Variants in NFE2L2 observed in about 807,000 individuals in gnomAD.
NFE2L2 encodes the protein nuclear factor erythroid 2-related factor 2.
A neutral mutation model predicts 49.6 loss-of-function variants in NFE2L2; 20 were observed. That is an observed-to-expected ratio of 0.40 (90% CI 0.28 to 0.59). The LOEUF (loss-of-function observed/expected upper bound fraction) is 0.59, where lower values mean the gene tolerates loss of function less well. NFE2L2 is among the 20% of genes least tolerant of loss of function. NFE2L2 has a pLI of 0.40. For synonymous variants in NFE2L2, 244 were observed against 256.5 expected (o/e 0.95, Z 0.47); for missense variants, 578 against 714.2 (o/e 0.81, Z 2.17).
In NFE2L2 at chr2:177,231,872, G is replaced by A. The variant is rs1415279225; in HGVS notation, c.731C>T (p.Pro244Leu). The A allele has an allele frequency of 6.2e-7, 1 of 1,614,128 alleles. No homozygotes were observed. Among genetic ancestry groups the A allele is most frequent in the South Asian group, 1.1e-5 (1 of 91,086 alleles). Residue 244 changes from proline to leucine, a missense_variant, in exon 5 of 5, where the codon CCA becomes CTA. Coordinates refer to ENST00000397062, the MANE Select transcript of NFE2L2 (RefSeq NM_006164.5). ...ATCCTCAAAAGCATTAAGAAAATGT[G>A]GACTACAGTTACCTACTTCTTTTTC... ...SMEKEVGNCSPHFLNAFEDSF... is the reference protein window; with the variant it reads ...SMEKEVGNCSLHFLNAFEDSF...
intron 1 of NFE2L2, among the ~76,000 whole-genome samples, chr2:177,257,757 T>C (rs1364310844): frequency 6.6e-6 from 1 of 152,156 alleles, no homozygotes; most frequent in African/African-American, 2.4e-5. Context: ...CCTGTCAGAT[T>C]AGCAGCAGCA....
chr2:177,264,517 G>C lies in NFE2L2; in HGVS notation c.45+15C>G, dbSNP rs1386675126. ...TCCCGGCACCACCGCAGGGCCCAGA[G>C]GGCCGAGGCAGCACCTGCTGGGACG... On this transcript the variant is annotated intron_variant, in intron 1 of 4. Transcript: ENST00000397062. 4.6e-6 allele frequency: 7 copies of C among 1,524,716 alleles called. No homozygotes were observed. In the Admixed American group the frequency reaches 8.2e-5, roughly 18 times the overall value. The allele number at this position is 1,524,716 out of a possible 1,614,324, so 94.4% of individuals were successfully genotyped here.
intron 1 of NFE2L2, among the ~76,000 whole-genome samples, chr2:177,239,949 T>TAA (rs57941264): frequency 1.3e-4 from 18 of 135,432 alleles, no homozygotes; most frequent in Admixed American, 9.5e-4. Context: ...AGCTTTATGT[T>TAA]AAAAAAAAAA....
At chr2:177,252,029 CAAG>C (rs1690361416) in intron 1 of NFE2L2, among the ~76,000 whole-genome samples, 1 of 142,410 alleles carries the variant, frequency 7.0e-6, no homozygotes, top group South Asian at 2.2e-4. Flanking sequence ...GGATTTTTTT[CAAG>C]AAGAAATGGA....
chr2:177,230,687 G>T lies in NFE2L2; in HGVS notation c.*98C>A. The T allele has an allele frequency of 1.5e-6, 2 of 1,353,548 alleles. No homozygotes were observed. The highest frequency in any genetic ancestry group is 2.0e-6 in the Non-Finnish European group (2 of 1,017,832). The allele number at this position is 1,353,548 out of a possible 1,614,324, so 83.8% of individuals were successfully genotyped here. The stretch of plus-strand genomic sequence containing the variant: ...CTAGTTTTGGCTATGATTTTGCATA[G>T]AATTACTTATAAAGTATGAGCATTT... On this transcript the variant is annotated 3_prime_UTR_variant, in exon 5 of 5. Transcript: ENST00000397062.
At chr2:177,263,986 C>T in intron 1 of NFE2L2, 1 of 979,928 alleles carries the variant, frequency 1.0e-6, no homozygotes, top group Non-Finnish European at 1.2e-6. Context: ...CGCGTCGCAG[C>T]CCGCACTCAA....
Position 177,231,570 on chromosome 2 carries a change from C to T in NFE2L2, c.1033G>A (p.Gly345Ser), listed in dbSNP as rs747179142. ...STAEFNDSDS[G>S]ISLNTSPSVA... Reference sequence around the variant, plus strand: ...CTGGGACTTGTGTTTAGTGAAATGCCGGAGTCAGAATCATTGAATTCTGCT... The same window carrying T: ...CTGGGACTTGTGTTTAGTGAAATGCTGGAGTCAGAATCATTGAATTCTGCT... The change falls in exon 5 of 5, where the codon GGC becomes AGC. Residue 345 changes from glycine (G) to serine (S), a missense_variant. By Grantham distance (56) the Gly-to-Ser change is moderately conservative. Around this residue, in one of 3 missense-constraint regions of NFE2L2, gnomAD observed 368 missense variants for 384.6 expected, o/e 0.96. Coordinates refer to ENST00000397062, the MANE Select transcript of NFE2L2 (RefSeq NM_006164.5). 16 of 1,614,040 alleles carry T rather than the reference C, an allele frequency of 9.9e-6. No individual in the cohort carries two copies. Among genetic ancestry groups the T allele is most frequent in the South Asian group, 4.4e-5 (4 of 91,078 alleles).
intron 1 of NFE2L2, among the ~76,000 whole-genome samples, chr2:177,234,772 A>G (rs943312531): frequency 6.6e-6 from 1 of 152,136 alleles, no homozygotes; most frequent in Admixed American, 6.5e-5. Context: ...GTGAAATATC[A>G]CCATTCTTTC....
intron 1 of NFE2L2, chr2:177,263,619 T>C (rs1690824076): frequency 1.0e-6 from 1 of 985,238 alleles, no homozygotes; most frequent in Non-Finnish European, 1.2e-6. Flanking sequence ...CCGAGCGCTG[T>C]CACGGAAGCC....
intron 1 of NFE2L2, among the ~76,000 whole-genome samples, chr2:177,261,000 AC>A (rs1330871743): frequency 2.0e-5 from 3 of 151,878 alleles, no homozygotes; most frequent in African/African-American, 7.3e-5. Flanking sequence ...ACATGGTAAA[AC>A]CCCATCTCTA....
rs898178562 is a variant in NFE2L2 at position 177,258,826 on chromosome 2, T to C, written c.45+5706A>G. ...TTTCTTACTCATTTTTCTTCTCTGA[T>C]TTGAAAAAGCAATAGAGTTCAGAGC... On this transcript the variant is annotated intron_variant, in intron 1 of 4. Coordinates refer to ENST00000397062, the MANE Select transcript of NFE2L2 (RefSeq NM_006164.5). 1.2e-4 allele frequency among the ~76,000 whole-genome samples: 18 copies of C among 152,210 alleles called. 1 individual carries two copies. The highest frequency in any genetic ancestry group is 4.1e-4 in the African/African-American group (17 of 41,450).
intron 1 of NFE2L2, among the ~76,000 whole-genome samples, chr2:177,262,382 G>C (rs548920561): frequency 6.6e-6 from 1 of 152,238 alleles, no homozygotes; most frequent in East Asian, 1.9e-4. Context: ...TGAATCTAAG[G>C]CTCTCCTTAC....
At position 177,231,825 on chromosome 2, in the gene NFE2L2, T is replaced by G. The variant is rs1259029761; in HGVS notation, c.778A>C (p.Thr260Pro). The G allele has an allele frequency of 1.2e-5, 20 of 1,614,068 alleles. No individual in the cohort carries two copies. Among genetic ancestry groups the G allele is most frequent in the Non-Finnish European group, 1.7e-5 (20 of 1,180,032 alleles). ...ACTGTCAACTGGTTGGGGTCTTCTGTGGAGAGGATGCTGCTGAAGGAATCC... is the reference window on the plus strand; with the variant it reads ...ACTGTCAACTGGTTGGGGTCTTCTGGGGAGAGGATGCTGCTGAAGGAATCC... ...FEDSFSSILS[T>P]EDPNQLTVNS... The change falls in exon 5 of 5, where the codon ACA becomes CCA. Residue 260 changes from threonine to proline, a missense_variant. By Grantham distance (38) the Thr-to-Pro change is conservative. Coordinates refer to ENST00000397062, the MANE Select transcript of NFE2L2 (RefSeq NM_006164.5).
chr2:177,232,100 T>C, intron 4 of NFE2L2, 92 bp from the exon 5 acceptor site: 1 of 1,200,414 alleles, frequency 8.3e-7, no homozygotes, highest in Non-Finnish European at 1.2e-6. Context: ...CACATTATCT[T>C]CAGGCTTATC....
chr2:177,231,762 A>C lies in NFE2L2; in HGVS notation c.841T>G (p.Phe281Val), dbSNP rs1272344982. The change falls in exon 5 of 5, where the codon TTT becomes GTT. Residue 281 changes from phenylalanine (F) to valine (V), a missense_variant. By Grantham distance (50) the Phe-to-Val change is conservative. Coordinates refer to ENST00000397062, the MANE Select transcript of NFE2L2 (RefSeq NM_006164.5). ...AAAGCAGAATAAAATTCATCACCAA[A>C]ATCTGTGTTGACTGTGGCATCTGAA... ...LNSDATVNTD[F>V]GDEFYSAFIA... The C allele has an allele frequency of 1.2e-6, 2 of 1,614,130 alleles. No homozygotes were observed. The highest frequency in any genetic ancestry group is 1.7e-6 in the Non-Finnish European group (2 of 1,180,018).
chr2:177,249,170 G>C (rs1388888390), intron 1 of NFE2L2, among the ~76,000 whole-genome samples: 3 of 151,996 alleles, frequency 2.0e-5, no homozygotes, highest in African/African-American at 7.3e-5. Flanking sequence ...AGTGAACCAT[G>C]TTTCTGCCAC....
At chr2:177,253,302 G>T (rs1453965550) in intron 1 of NFE2L2, among the ~76,000 whole-genome samples, 1 of 152,172 alleles carries the variant, frequency 6.6e-6, no homozygotes, top group African/African-American at 2.4e-5. Context: ...CTCCTAGAGG[G>T]CAGTTAATGG....
In NFE2L2 at chr2:177,230,723, TA is replaced by T; in HGVS notation, c.*61del. ...AAAGTATGAGCATTTCACATCACAGTAGGAGCTTTTAGTATAATAGTACAAA... is the reference window on the plus strand; with the variant it reads ...AAAGTATGAGCATTTCACATCACAGTGGAGCTTTTAGTATAATAGTACAAA... On this transcript the variant is annotated 3_prime_UTR_variant, in exon 5 of 5. Coordinates refer to ENST00000397062, the MANE Select transcript of NFE2L2 (RefSeq NM_006164.5). 6.7e-7 allele frequency: 1 copy of T among 1,496,732 alleles called. No homozygotes were observed. The highest frequency in any genetic ancestry group is 8.9e-7 in the Non-Finnish European group (1 of 1,124,018). The allele number at this position is 1,496,732 out of a possible 1,614,324, so 92.7% of individuals were successfully genotyped here.
intron 1 of NFE2L2, among the ~76,000 whole-genome samples, chr2:177,250,971 G>T (rs1428749490): frequency 1.3e-5 from 2 of 152,184 alleles, no homozygotes; most frequent in Admixed American, 6.5e-5. Flanking sequence ...CAAGGATGAG[G>T]TATTAGTACT....
Sources: allele counts gnomAD v4.1 joint callset (sites outside exome capture counted in the v4.1 genomes callset), GRCh38; gene constraint gnomAD v4.1.1; regional missense constraint gnomAD v4.1.1; transcripts MANE v1.5; gene names NCBI Gene and HGNC (gene_info 2026-07-23, HGNC 2026-07-21).